KIAA0825: variants seen among roughly 807,000 people sequenced by gnomAD.
KIAA0825 encodes the protein KIAA0825.
Under a neutral mutation model 147.6 loss-of-function variants are expected in KIAA0825, and 119 were observed. The ratio of observed to expected loss-of-function variants is 0.81; its 90% CI spans 0.69 to 0.94. KIAA0825 has a LOEUF of 0.94. Among genes scored for constraint, KIAA0825 ranks in the 40% least tolerant of loss-of-function variants. KIAA0825 has a pLI of 0.00. For synonymous variants in KIAA0825, 470 were observed against 518.1 expected, an observed-to-expected ratio of 0.91 and a Z score of 1.26; for missense variants, 1,381 against 1,472.7, an observed-to-expected ratio of 0.94 and a Z score of 1.02.
At chr5:94,340,337 C>T (rs1395464344) in intron 20 of KIAA0825, among the ~76,000 whole-genome samples, 5 of 151,920 alleles carry the variant, frequency 3.3e-5, no homozygotes, top group Non-Finnish European at 7.4e-5. Context: ...AGTACAGACA[C>T]AAACCATCCA....
At chr5:94,551,975 A>G (rs1329556849) in intron 2 of KIAA0825, among the ~76,000 whole-genome samples, 2 of 152,126 alleles carry the variant, frequency 1.3e-5, no homozygotes, top group Admixed American at 6.5e-5. Context: ...CAATCAAAAA[A>G]TATAGAAATG....
chr5:94,383,048 G>A (rs897632097), intron 20 of KIAA0825, among the ~76,000 whole-genome samples: 3 of 152,152 alleles, frequency 2.0e-5, no homozygotes, highest in Non-Finnish European at 4.4e-5. Context: ...ATTCAATAGA[G>A]GCCCTGGCCT....
chr5:94,440,813 G>A (rs1756985009), intron 13 of KIAA0825, among the ~76,000 whole-genome samples: 1 of 151,992 alleles, frequency 6.6e-6, no homozygotes, highest in Non-Finnish European at 1.5e-5. Flanking sequence ...GAATCAGCAG[G>A]AGAGCAAAGG....
chr5:94,410,782 G>T (rs554829294), intron 15 of KIAA0825, among the ~76,000 whole-genome samples: 25 of 152,138 alleles, frequency 1.6e-4, no homozygotes, highest in African/African-American at 5.5e-4. Context: ...AAACATGAAG[G>T]CAAAATACTT....
At chr5:94,303,308 C>T (rs1778520398) in intron 20 of KIAA0825, among the ~76,000 whole-genome samples, 1 of 151,758 alleles carries the variant, frequency 6.6e-6, no homozygotes, top group Non-Finnish European at 1.5e-5. Context: ...AATCCTAAAA[C>T]CAAATTTTAC....
intron 20 of KIAA0825, among the ~76,000 whole-genome samples, chr5:94,196,266 T>G (rs1364917932): frequency 1.3e-5 from 2 of 152,192 alleles, no homozygotes; most frequent in African/African-American, 4.8e-5. Context: ...CCCCTGCTAA[T>G]GTCCCTGTAC....
In KIAA0825 at chr5:94,320,999, A is replaced by G. The variant is rs1293028029; in HGVS notation, c.3710+63369T>C. ...AGGCTGACAAATTCTTTACTCTTATATTTTTAAAATGTGTTCTGAGATTTA... is the reference window on the plus strand; with the variant it reads ...AGGCTGACAAATTCTTTACTCTTATGTTTTTAAAATGTGTTCTGAGATTTA... On this transcript the variant is annotated intron_variant, in intron 20 of 20. Transcript: ENST00000682413. 3.3e-5 allele frequency among the ~76,000 whole-genome samples: 5 copies of G among 152,028 alleles called. No individual in the cohort carries two copies. The South Asian group carries it at 8.3e-4, about 25-fold the overall frequency.
Position 94,524,134 on chromosome 5 carries a change from A to C in KIAA0825, c.132-36T>G, listed in dbSNP as rs746448852. On this transcript the variant is annotated intron_variant, in intron 3 of 20. Coordinates refer to ENST00000682413, the MANE Select transcript of KIAA0825 (RefSeq NM_001145678.3). The stretch of plus-strand genomic sequence containing the variant: ...CAGAAGAAAAAGTTATTTTGGCAGG[A>C]TATAGATAATGGCTTCATTTCATAA... 7 of 1,400,078 alleles carry C rather than the reference A, an allele frequency of 5.0e-6. No individual in the cohort carries two copies. The African/African-American group carries it at 1.0e-4, about 20-fold the overall frequency. 86.7% of individuals were successfully genotyped at this position (1,400,078 alleles called of 1,614,324 possible).
intron 16 of KIAA0825, among the ~76,000 whole-genome samples, chr5:94,398,444 T>C (rs562293494): frequency 1.6e-5 from 2 of 124,142 alleles, no homozygotes; most frequent in African/African-American, 5.1e-5. Flanking sequence ...CTTCTGAGTA[T>C]ATCATTACTC....
In KIAA0825 at chr5:94,396,470, A is replaced by G; in HGVS notation, c.2927T>C (p.Ile976Thr). 1 of 1,525,010 alleles carries G rather than the reference A, an allele frequency of 6.6e-7. No individual in the cohort carries two copies. Among genetic ancestry groups the G allele is most frequent in the Non-Finnish European group, 8.8e-7 (1 of 1,136,022 alleles). The allele number at this position is 1,525,010 out of a possible 1,614,324, so 94.5% of individuals were successfully genotyped here. A position where few individuals can be genotyped will look rare whatever the true frequency, so the allele number is the denominator to read the frequency against. The change falls in exon 17 of 21, where the codon ATC (isoleucine) becomes ACC (threonine). Residue 976 changes from isoleucine (I) to threonine (T), a missense_variant. Coordinates refer to ENST00000682413, the MANE Select transcript of KIAA0825 (RefSeq NM_001145678.3). ...RLTAQAVSIV[I>T]SKLPTVIACL... is the part of the protein sequence containing the mutation. ...TGCAATCACCGTAGGTAACTTGCTG[A>G]TTACAATAGATACTGCCTGAGCAGT...
chr5:94,563,084 G>A lies in KIAA0825; in HGVS notation c.-2+19349C>T, dbSNP rs1458986390. Among the ~76,000 whole-genome samples, 7 of 152,124 alleles carry A rather than the reference G, an allele frequency of 4.6e-5. No homozygotes were observed. In the South Asian group the frequency reaches 1.5e-3, roughly 32 times the overall value. ...GAGCTGGGCACGGTAGCTCACGCCTGTAATCCCAGCACTTTGGGAGGCCGA... is the reference window on the plus strand; with the variant it reads ...GAGCTGGGCACGGTAGCTCACGCCTATAATCCCAGCACTTTGGGAGGCCGA... On this transcript the variant is annotated intron_variant, in intron 2 of 20. Transcript: ENST00000682413.
At chr5:94,323,339 T>A (rs1780375486) in intron 20 of KIAA0825, among the ~76,000 whole-genome samples, 1 of 151,956 alleles carries the variant, frequency 6.6e-6, no homozygotes, top group South Asian at 2.1e-4. Flanking sequence ...TATTTTCACA[T>A]CTATGAAAAT....
intron 20 of KIAA0825, among the ~76,000 whole-genome samples, chr5:94,168,759 A>G (rs1768306394): frequency 6.6e-6 from 1 of 152,220 alleles, no homozygotes; most frequent in South Asian, 2.1e-4. Flanking sequence ...ATATACTGCC[A>G]GAACCATATT....
chr5:94,416,974 C>T, intron 15 of KIAA0825: 1 of 373,806 alleles, frequency 2.7e-6, no homozygotes. Context: ...AAAAGAAAAT[C>T]TTTTCCCTTC....
intron 12 of KIAA0825, among the ~76,000 whole-genome samples, chr5:94,459,283 T>C (rs911416372): frequency 3.3e-5 from 5 of 152,192 alleles, no homozygotes; most frequent in African/African-American, 1.2e-4. Context: ...TACACAAATT[T>C]TTGTATGGAC....
chr5:94,551,504 G>C (rs1325549766), intron 2 of KIAA0825, among the ~76,000 whole-genome samples: 1 of 152,040 alleles, frequency 6.6e-6, no homozygotes, highest in Non-Finnish European at 1.5e-5. Context: ...ATCCCCAATG[G>C]ACTAAGAGCA....
Position 94,153,196 on chromosome 5 carries a change from T to C in KIAA0825, c.*811A>G, listed in dbSNP as rs2149897739. 1 of 151,940 alleles carries C rather than the reference T, an allele frequency of 6.6e-6. No homozygotes were observed. The highest frequency in any genetic ancestry group is 3.4e-3 in the Middle Eastern group (1 of 294). The allele number at this position is 151,940 out of a possible 1,614,324, so 9.4% of individuals were successfully genotyped here. On this transcript the variant is annotated 3_prime_UTR_variant, in exon 21 of 21. Coordinates refer to ENST00000682413, the MANE Select transcript of KIAA0825 (RefSeq NM_001145678.3). ...TCTGTTTTCTTATTTTGTGTGTGTG[T>C]ATCAATACAATGAAAAAATTTTAAA...
chr5:94,247,813 C>T (rs1325882793), intron 20 of KIAA0825, among the ~76,000 whole-genome samples: 1 of 152,062 alleles, frequency 6.6e-6, no homozygotes, highest in Admixed American at 6.6e-5. Context: ...ACACACTCTT[C>T]TATTAATACT....
intron 5 of KIAA0825, among the ~76,000 whole-genome samples, chr5:94,505,912 T>G (rs1765682273): frequency 2.6e-5 from 4 of 152,232 alleles, no homozygotes; most frequent in African/African-American, 9.6e-5. Flanking sequence ...CATGTCAGTC[T>G]CATAAACTGA....
Sources: gnomAD v4.1 joint callset for allele counts (sites outside exome capture counted in the v4.1 genomes callset) on GRCh38, gnomAD v4.1.1 for gene constraint, MANE v1.5 for transcripts, NCBI Gene and HGNC (gene_info 2026-07-23, HGNC 2026-07-21) for gene names.